The following DHX37 variants were observed in gnomAD, a reference collection of about 807,000 sequenced individuals.
DHX37 encodes the protein DEAH-box helicase 37.
A neutral mutation model predicts 134.3 loss-of-function variants in DHX37; 52 were observed. That is an observed-to-expected ratio of 0.39 (90% CI 0.31 to 0.49). The LOEUF is 0.49. Ranked by LOEUF, DHX37 falls within the 20% of genes least tolerant of loss-of-function variation. The probability of loss-of-function intolerance (pLI) is 0.93; values close to 1 mark genes in which losing one functional copy is unlikely to be tolerated. For missense variants in DHX37, 1,344 were observed against 1,580.8 expected (o/e 0.85, Z 2.54); for synonymous variants, 634 against 670.7 (o/e 0.95, Z 0.85).
In DHX37 at chr12:124,959,073, C is replaced by CTT. The variant is rs1188884814; in HGVS notation, c.2157+1237_2157+1238dup. Among the ~76,000 whole-genome samples, 133 of 115,740 alleles carry CTT rather than the reference C, an allele frequency of 1.1e-3. 6 individuals are homozygous for CTT. Among genetic ancestry groups the CTT allele is most frequent in the East Asian group, 2.9e-3 (12 of 4,102 alleles). The allele number at this position is 115,740 out of a possible 152,430, so 75.9% of individuals were successfully genotyped here. On this transcript the variant is annotated intron_variant, in intron 16 of 26. Coordinates refer to ENST00000308736, the MANE Select transcript of DHX37 (RefSeq NM_032656.4). Reference sequence around the variant, plus strand: ...TATAGGCACCTGTCACCACACCTGGCTTTTTTTTTTTTTTTTTGGAGACGG... The same window carrying CTT: ...TATAGGCACCTGTCACCACACCTGGCTTTTTTTTTTTTTTTTTTTGGAGACGG...
intron 6 of DHX37, among the ~76,000 whole-genome samples, chr12:124,973,546 G>A (rs1954564152): frequency 1.3e-5 from 2 of 151,706 alleles, no homozygotes; most frequent in African/African-American, 4.8e-5. Context: ...ACAGGCTAGG[G>A]CAAGAGTTGA....
rs116097784 is a variant in DHX37, at chr12:124,965,688, C to T, written c.1715G>A (p.Gly572Glu). ...ALDSDLDLDLGDGGQDGGEQP... is the reference protein window; with the variant it reads ...ALDSDLDLDLEDGGQDGGEQP... ...CACACCTCCATCTTGCCCGCCATCC[C>T]CCAGGTCCAGATCGAGGTCGGAGTC... The change falls in exon 13 of 27, where the codon GGG (glycine) becomes GAG (glutamate). Residue 572 changes from glycine to glutamate, a missense_variant. Gly to Glu is a moderately conservative substitution (Grantham distance 98). This residue lies in a region of DHX37 where 289 missense variants were observed against 323.8 expected (regional missense o/e 0.89). Coordinates refer to ENST00000308736, the MANE Select transcript of DHX37 (RefSeq NM_032656.4). The T allele has an allele frequency of 6.2e-6, 10 of 1,612,472 alleles. No homozygotes were observed. The African/African-American group carries it at 1.2e-4, about 19-fold the overall frequency.
chr12:124,986,086 T>TGGG lies in DHX37; in HGVS notation c.276+7_276+9dup, dbSNP rs772930404. On this transcript the variant is annotated intron_variant, in intron 2 of 26. Coordinates refer to ENST00000308736, the MANE Select transcript of DHX37 (RefSeq NM_032656.4). Reference sequence around the variant, plus strand: ...GAGCCACTTGCAGACCCTGCCCGAGTGGGGTGTACCTGGCTCTTTTTCTCC... The same window carrying TGGG: ...GAGCCACTTGCAGACCCTGCCCGAGTGGGGGGGTGTACCTGGCTCTTTTTCTCC... The TGGG allele has an allele frequency of 3.1e-6, 5 of 1,612,950 alleles. No homozygotes were observed. Among genetic ancestry groups the TGGG allele is most frequent in the Non-Finnish European group, 3.4e-6 (4 of 1,179,830 alleles).
chr12:124,978,312 CTTG>C (rs1277600561), intron 4 of DHX37, among the ~76,000 whole-genome samples: 15 of 151,320 alleles, frequency 9.9e-5, no homozygotes, highest in Admixed American at 6.6e-5. Context: ...TTCTATTCCA[CTTG>C]TTGTATTTAT....
chr12:124,980,735 C>A lies in DHX37; in HGVS notation c.493G>T (p.Glu165Ter). ...RWPSAEEEEE[E>*]EEESESELEE... Reference sequence around the variant, plus strand: ...AGCTCCGATTCCGACTCCTCCTCCTCCTCCTCCTCCTCCTCAGCTGAGGGC... The same window carrying A: ...AGCTCCGATTCCGACTCCTCCTCCTACTCCTCCTCCTCCTCAGCTGAGGGC... The change falls in exon 4 of 27, where the codon GAG becomes TAG. Residue 165 changes from glutamate (E) to a stop codon, truncating the protein, a stop_gained. Transcript: ENST00000308736. LOFTEE classifies it high-confidence loss of function. The surrounding 1 kb of genome is among the most constrained non-coding windows in gnomAD (Gnocchi z 5.3). 6.4e-7 allele frequency: 1 copy of A among 1,556,584 alleles called. No individual in the cohort carries two copies. Among genetic ancestry groups the A allele is most frequent in the Non-Finnish European group, 8.7e-7 (1 of 1,152,508 alleles).
chr12:124,977,462 G>A lies in DHX37; in HGVS notation c.767C>T (p.Ser256Phe). The change falls in exon 5 of 27, where the codon TCC becomes TTC. Residue 256 changes from serine (S) to phenylalanine (F), a missense_variant. This residue lies in a region of DHX37 where 77 missense variants were observed against 121.6 expected (regional missense o/e 0.63). Coordinates refer to ENST00000308736, the MANE Select transcript of DHX37 (RefSeq NM_032656.4). Reference protein sequence around the residue: ...QEERLKLPILSEEQVIMEAVA... With the variant: ...QEERLKLPILFEEQVIMEAVA... Reference sequence around the variant, plus strand: ...AGCCTCCATGATTACTTGTTCTTCGGAGAGAATTGGGAGCTTCAGCCGTTC... The same window carrying A: ...AGCCTCCATGATTACTTGTTCTTCGAAGAGAATTGGGAGCTTCAGCCGTTC... The A allele has an allele frequency of 6.2e-7, 1 of 1,610,004 alleles. No homozygotes were observed. Among genetic ancestry groups the A allele is most frequent in the Non-Finnish European group, 8.5e-7 (1 of 1,178,496 alleles).
At position 124,968,762 on chromosome 12, in the gene DHX37, G is replaced by T. The variant is rs369835793; in HGVS notation, c.1293+105C>A. On this transcript the variant is annotated intron_variant, in intron 9 of 26. Coordinates refer to ENST00000308736, the MANE Select transcript of DHX37 (RefSeq NM_032656.4). Reference sequence around the variant, plus strand: ...AGGTTTCTAACACCCCCTCCAAGCTGCTGTCAATCCCCCCTGTGACCAAGT... The same window carrying T: ...AGGTTTCTAACACCCCCTCCAAGCTTCTGTCAATCCCCCCTGTGACCAAGT... The T allele has an allele frequency of 5.8e-4, 932 of 1,596,144 alleles. 17 individuals carry two copies. In the South Asian group the frequency reaches 9.8e-3, roughly 17 times the overall value.
chr12:124,968,386 G>T, intron 10 of DHX37, 148 bp downstream of exon 10: 2 of 1,342,016 alleles, frequency 1.5e-6, no homozygotes, highest in Non-Finnish European at 2.0e-6. Context: ...CAGGTGTCAT[G>T]AACACTCTGG....
Position 124,947,526 on chromosome 12 carries a change from G to A in DHX37, c.*276C>T, listed in dbSNP as rs554134441. 4 of 384,408 alleles carry A rather than the reference G, an allele frequency of 1.0e-5. No homozygotes were observed. The South Asian group carries it at 2.2e-4, about 21-fold the overall frequency. The allele number at this position is 384,408 out of a possible 1,614,324, so 23.8% of individuals were successfully genotyped here. A position where few individuals can be genotyped will look rare whatever the true frequency, so the allele number is the denominator to read the frequency against. ...CCACAGGGGACTAATGTAGTCCAAA[G>A]AGCACACTGAACAGAACAGCGTCCA... On this transcript the variant is annotated 3_prime_UTR_variant, in exon 27 of 27. Transcript: ENST00000308736.
chr12:124,985,957 C>T (rs1752651658), intron 2 of DHX37, 139 bp downstream of exon 2: 8 of 1,026,342 alleles, frequency 7.8e-6, no homozygotes, highest in Non-Finnish European at 1.1e-5. Context: ...GGCTACCGCA[C>T]TGGACCATGC....
At chr12:124,985,619 C>A (rs189808195) in intron 2 of DHX37, among the ~76,000 whole-genome samples, 1 of 149,996 alleles carries the variant, frequency 6.7e-6, no homozygotes, top group East Asian at 1.9e-4. Context: ...TGGTGGCACG[C>A]GCCTGTAATC....
chr12:124,957,556 C>G (rs996871953), intron 16 of DHX37, among the ~76,000 whole-genome samples: 1 of 152,274 alleles, frequency 6.6e-6, no homozygotes, highest in South Asian at 2.1e-4. Context: ...GAGGCTGAGG[C>G]GGGTAGATCA....
chr12:124,950,176 G>A lies in DHX37; in HGVS notation c.3189C>T (p.His1063=). The change falls in exon 24 of 27, where the codon CAC becomes CAT. Residue 1063 remains histidine (H), a synonymous_variant. Transcript: ENST00000308736. The part of the protein sequence containing the change: ...DFPEGIDRYK[H]FARFLLEGQV... Reference sequence around the variant, plus strand: ...GCCCTTCCAGCAGGAACCGGGCAAAGTGCTTGTAGCGGTCAATCCCCTCTG... The same window carrying A: ...GCCCTTCCAGCAGGAACCGGGCAAAATGCTTGTAGCGGTCAATCCCCTCTG... The A allele has an allele frequency of 6.2e-7, 1 of 1,614,076 alleles. No individual in the cohort carries two copies. Among genetic ancestry groups the A allele is most frequent in the South Asian group, 1.1e-5 (1 of 91,086 alleles).
At chr12:124,983,858 A>G (rs1438956292) in intron 2 of DHX37, among the ~76,000 whole-genome samples, 1 of 151,574 alleles carries the variant, frequency 6.6e-6, no homozygotes, top group Non-Finnish European at 1.5e-5. Flanking sequence ...GGGACTGCCC[A>G]TCCACGGCTG....
chr12:124,949,221 T>C lies in DHX37; in HGVS notation c.3290+765A>G, dbSNP rs942779332. 1.3e-5 allele frequency among the ~76,000 whole-genome samples: 2 copies of C among 152,200 alleles called. No individual in the cohort carries two copies. The highest frequency in any genetic ancestry group is 2.9e-5 in the Non-Finnish European group (2 of 68,040). On this transcript the variant is annotated intron_variant, in intron 25 of 26. Coordinates refer to ENST00000308736, the MANE Select transcript of DHX37 (RefSeq NM_032656.4). The surrounding 1 kb of genome is among the most constrained non-coding windows in gnomAD (Gnocchi z 4.0). ...CACTGGAAAACGTGAGCTGAGTGAC[T>C]GACACGGCTCCTGACAGCCCAGCAG...
intron 18 of DHX37, 51 bp downstream of exon 18, chr12:124,956,640 C>G (rs1302368406): frequency 6.7e-7 from 1 of 1,481,746 alleles, no homozygotes; most frequent in African/African-American, 1.5e-5. Flanking sequence ...CAGCCCAGAG[C>G]CCCCGTCGGA....
Position 124,980,787 on chromosome 12 carries a change from G to A in DHX37, c.441C>T (p.Ser147=), listed in dbSNP as rs538574199. Residue 147 remains serine (S), a synonymous_variant, in exon 4 of 27, where the codon AGC becomes AGT. Transcript: ENST00000308736. The surrounding 1 kb of genome is among the most constrained non-coding windows in gnomAD (Gnocchi z 5.3). Reference sequence around the variant, plus strand: ...AGCGGCGACGCTTCCGGTGGGCACCGCTGAGGCTACTGATCTTCTCCTGGC... The same window carrying A: ...AGCGGCGACGCTTCCGGTGGGCACCACTGAGGCTACTGATCTTCTCCTGGC... The part of the protein sequence containing the change: ...APGQEKISSL[S]GAHRKRRRWP... 2.9e-5 allele frequency: 45 copies of A among 1,557,024 alleles called. No individual in the cohort carries two copies. The East Asian group carries it at 5.3e-4, about 18-fold the overall frequency.
chr12:124,960,242 C>T, intron 16 of DHX37, 70 bp downstream of exon 16: 1 of 1,563,184 alleles, frequency 6.4e-7, no homozygotes, highest in Non-Finnish European at 8.7e-7. Context: ...CAGCTCTGGG[C>T]TCCCTGCCTC....
In DHX37 at chr12:124,989,105, C is replaced by T; in HGVS notation, c.-83G>A. ...CAGCCCACGTGGGTTCCCAGACCAC[C>T]AACTCCGGCCGTGAGACTTCCGGGT... On this transcript the variant is annotated 5_prime_UTR_variant, in exon 1 of 27. Transcript: ENST00000308736. 1.1e-6 allele frequency: 1 copy of T among 888,366 alleles called. No individual in the cohort carries two copies. The highest frequency in any genetic ancestry group is 1.5e-6 in the Non-Finnish European group (1 of 663,482). The allele number at this position is 888,366 out of a possible 1,614,324, so 55.0% of individuals were successfully genotyped here.
Sources: gnomAD v4.1 joint callset for allele counts (sites outside exome capture counted in the v4.1 genomes callset) on GRCh38, gnomAD v4.1.1 for gene constraint, gnomAD v4.1.1 regional missense constraint, Gnocchi (gnomAD v3.1) non-coding constraint, MANE v1.5 for transcripts, NCBI Gene and HGNC (gene_info 2026-07-23, HGNC 2026-07-21) for gene names.